The following FBXO34 variants were observed in gnomAD, a reference collection of about 807,000 sequenced individuals.
FBXO34 encodes F-box protein 34, also known as F-box only protein 34.
In FBXO34, 12 loss-of-function variants were observed where a neutral mutation model predicts 24.5. The observed-to-expected ratio is 0.49, with a 90% CI of 0.31 to 0.79. FBXO34 has a LOEUF of 0.79. Among genes scored for constraint, FBXO34 ranks in the 30% least tolerant of loss-of-function variants. The pLI, the probability that FBXO34 is intolerant of heterozygous loss-of-function variation, is 0.04. For synonymous variants in FBXO34, 320 were observed against 311.9 expected, an observed-to-expected ratio of 1.03 and a Z score of -0.27; for missense variants, 823 against 857.7, an observed-to-expected ratio of 0.96 and a Z score of 0.51.
chr14:55,290,270 T>A (rs1412800494), intron 1 of FBXO34, among the ~76,000 whole-genome samples: 1 of 151,890 alleles, frequency 6.6e-6, no homozygotes, highest in African/African-American at 2.4e-5. Flanking sequence ...GGCAGGTGCC[T>A]TAATCCCAGC....
At chr14:55,320,811 C>T (rs944881393) in intron 1 of FBXO34, among the ~76,000 whole-genome samples, 28 of 152,242 alleles carry the variant, frequency 1.8e-4, no homozygotes, top group Admixed American at 1.8e-3. Flanking sequence ...AATGTATAGT[C>T]ATAGTCTTTG....
At chr14:55,382,213 C>T in the FBXO34 span, 17 of 1,610,346 alleles carry the variant, frequency 1.1e-5, no homozygotes, top group East Asian at 4.5e-5. Context: ...AAGACACACA[C>T]GGATTTTCAA....
chr14:55,376,126 T>C, the FBXO34 span, among the ~76,000 whole-genome samples: 4 of 152,330 alleles, frequency 2.6e-5, no homozygotes, highest in East Asian at 5.8e-4. Flanking sequence ...AGGTGTGCAC[T>C]GAGACCCTGG....
the FBXO34 span, among the ~76,000 whole-genome samples, chr14:55,428,208 C>T: frequency 7.2e-6 from 1 of 138,680 alleles, no homozygotes; most frequent in Non-Finnish European, 1.5e-5. Flanking sequence ...CGGCTCACTG[C>T]AAGCTCCACC....
At chr14:55,300,535 C>T (rs962323237) in intron 1 of FBXO34, among the ~76,000 whole-genome samples, 2 of 152,216 alleles carry the variant, frequency 1.3e-5, no homozygotes, top group African/African-American at 4.8e-5. Flanking sequence ...GCGGAGGTTG[C>T]AGTGAGCTGA....
the FBXO34 span, among the ~76,000 whole-genome samples, chr14:55,378,930 A>T: frequency 6.6e-6 from 1 of 151,310 alleles, no homozygotes; most frequent in Non-Finnish European, 1.5e-5. Context: ...CTGGTCTCTA[A>T]CTCCTGAGCT....
At chr14:55,367,089 T>C (rs1287526663) in intron 2 of FBXO34, 1 of 152,632 alleles carries the variant, frequency 6.6e-6, no homozygotes, top group Non-Finnish European at 1.5e-5. Flanking sequence ...CCCACATCTT[T>C]GTAAATTTTG....
the FBXO34 span, among the ~76,000 whole-genome samples, chr14:55,380,875 A>ATATATATATATATT: frequency 8.9e-6 from 1 of 112,730 alleles, no homozygotes; most frequent in Non-Finnish European, 1.7e-5. Flanking sequence ...ATATATATAT[A>ATATATATATATATT]TTTTTTTTTT....
chr14:55,337,493 A>G (rs950058199), intron 1 of FBXO34, among the ~76,000 whole-genome samples: 4 of 152,198 alleles, frequency 2.6e-5, no homozygotes, highest in Admixed American at 1.3e-4. Context: ...TCAATTTTTG[A>G]AGTCTCTTTT....
chr14:55,405,180 C>G, the FBXO34 span, among the ~76,000 whole-genome samples: 17 of 152,224 alleles, frequency 1.1e-4, no homozygotes, highest in African/African-American at 4.1e-4. Context: ...GTTCAGTATA[C>G]AGAATTGAAT....
At chr14:55,411,775 G>A in the FBXO34 span, 6 of 1,605,388 alleles carry the variant, frequency 3.7e-6, no homozygotes, top group African/African-American at 6.7e-5. Flanking sequence ...GGGGCCCGCA[G>A]CCAGGAGCCT....
intron 1 of FBXO34, among the ~76,000 whole-genome samples, chr14:55,340,173 G>T (rs997811205): frequency 2.0e-5 from 3 of 152,168 alleles, no homozygotes; most frequent in Non-Finnish European, 4.4e-5. Context: ...GTACGGGGGT[G>T]TGCCACTGTG....
the FBXO34 span, among the ~76,000 whole-genome samples, chr14:55,431,571 T>C: frequency 6.6e-6 from 1 of 152,234 alleles, no homozygotes; most frequent in African/African-American, 2.4e-5. Context: ...TACAGACATC[T>C]TGCACAACTG....
chr14:55,329,412 G>C (rs1373243537), intron 1 of FBXO34, among the ~76,000 whole-genome samples: 1 of 152,126 alleles, frequency 6.6e-6, no homozygotes, highest in Non-Finnish European at 1.5e-5. Context: ...ACTAGTTCAG[G>C]CTTAGAATAT....
chr14:55,378,221 C>T, the FBXO34 span: 4 of 641,882 alleles, frequency 6.2e-6, no homozygotes, highest in Non-Finnish European at 1.1e-5. Context: ...TCTAAGAATA[C>T]ACCATTCCCC....
At chr14:55,314,375 G>A (rs981793122) in intron 1 of FBXO34, among the ~76,000 whole-genome samples, 3 of 152,194 alleles carry the variant, frequency 2.0e-5, no homozygotes, top group Admixed American at 1.3e-4. Flanking sequence ...CCTTGCAGGG[G>A]GAAACCTAAT....
chr14:55,424,275 A>T, the FBXO34 span: 1 of 1,521,272 alleles, frequency 6.6e-7, no homozygotes, highest in Non-Finnish European at 9.1e-7. Context: ...TAAAAGGAAA[A>T]TGTTAAAAAT....
chr14:55,435,978 A>T, the FBXO34 span: 1 of 1,065,564 alleles, frequency 9.4e-7, no homozygotes, highest in Non-Finnish European at 1.3e-6. Flanking sequence ...AGATATAAAG[A>T]GTAAAAAAAA....
chr14:55,428,213 T>C, the FBXO34 span, among the ~76,000 whole-genome samples: 1 of 133,232 alleles, frequency 7.5e-6, no homozygotes, highest in Non-Finnish European at 1.5e-5. Flanking sequence ...CACTGCAAGC[T>C]CCACCTCCTG....
Sources: gnomAD v4.1 joint callset for allele counts (sites outside exome capture counted in the v4.1 genomes callset) on GRCh38, gnomAD v4.1.1 for gene constraint, MANE v1.5 for transcripts, NCBI Gene and HGNC (gene_info 2026-07-23, HGNC 2026-07-21) for gene names.